Variants in SLC44A5 observed in about 807,000 individuals in gnomAD.
The protein encoded by SLC44A5 is solute carrier family 44 member 5.
SLC44A5 carries 57 observed loss-of-function variants against 101.8 expected under a neutral mutation model. The observed-to-expected ratio is 0.56, with a 90% confidence interval of 0.45 to 0.70. The LOEUF is 0.70. SLC44A5 is among the 30% of genes least tolerant of loss of function. SLC44A5 has a pLI of 0.00. For synonymous variants in SLC44A5, 281 were observed against 290.9 expected (o/e 0.97, Z 0.35); for missense variants, 737 against 853.1 (o/e 0.86, Z 1.70).
intron 2 of SLC44A5, among the ~76,000 whole-genome samples, chr1:75,478,009 C>T (rs1204322583): frequency 3.3e-5 from 5 of 152,092 alleles, no homozygotes; most frequent in African/African-American, 1.2e-4. Context: ...AGAGAAAGGT[C>T]GGGTTACCCA....
intron 1 of SLC44A5, among the ~76,000 whole-genome samples, chr1:75,548,492 GCT>G (rs1671770664): frequency 6.6e-6 from 1 of 151,862 alleles, no homozygotes; most frequent in African/African-American, 2.4e-5. Flanking sequence ...TATTTCTGAA[GCT>G]CTCTTTCTAG....
At chr1:75,326,737 G>A (rs1656627759) in intron 4 of SLC44A5, among the ~76,000 whole-genome samples, 1 of 152,156 alleles carries the variant, frequency 6.6e-6, no homozygotes. Context: ...AAGAGATGGA[G>A]TTTCATTTCC....
chr1:75,233,239 G>A (rs906469295), intron 12 of SLC44A5, among the ~76,000 whole-genome samples: 8 of 152,020 alleles, frequency 5.3e-5, no homozygotes, highest in African/African-American at 9.7e-5. Flanking sequence ...TATGGGGTAC[G>A]CATATAATTG....
At chr1:75,680,824 C>G in the SLC44A5 span, among the ~76,000 whole-genome samples, 2 of 139,972 alleles carry the variant, frequency 1.4e-5, no homozygotes, top group Non-Finnish European at 3.3e-5. Context: ...AATCCAGGAG[C>G]TGGTTTTTTG....
intron 1 of SLC44A5, among the ~76,000 whole-genome samples, chr1:75,603,379 A>G (rs1321554988): frequency 6.9e-6 from 1 of 145,938 alleles, no homozygotes; most frequent in African/African-American, 2.5e-5. Flanking sequence ...CATCCAATTC[A>G]CTGTTGATGG....
At chr1:75,694,905 G>T in the SLC44A5 span, among the ~76,000 whole-genome samples, 1 of 152,114 alleles carries the variant, frequency 6.6e-6, no homozygotes, top group Non-Finnish European at 1.5e-5. Context: ...GAAGTTGGTT[G>T]GGACGCTCAG....
At chr1:75,351,839 ACTTT>A (rs1658684880) in intron 3 of SLC44A5, among the ~76,000 whole-genome samples, 5 of 52,844 alleles carry the variant, frequency 9.5e-5, no homozygotes, top group Admixed American at 2.3e-4. Flanking sequence ...TGAATAACAC[ACTTT>A]ACCAAAAAAA....
At chr1:75,245,621 T>C (rs1041977691) in intron 7 of SLC44A5, among the ~76,000 whole-genome samples, 3 of 152,104 alleles carry the variant, frequency 2.0e-5, no homozygotes, top group African/African-American at 7.2e-5. Flanking sequence ...ATTGAGACCA[T>C]GATGATTCTG....
intron 2 of SLC44A5, among the ~76,000 whole-genome samples, chr1:75,416,996 G>C (rs1663692004): frequency 6.6e-6 from 1 of 152,144 alleles, no homozygotes; most frequent in Admixed American, 6.5e-5. Flanking sequence ...TGGAACTTTT[G>C]AGTTGAAACG....
chr1:75,604,253 C>T (rs767958750), intron 1 of SLC44A5, among the ~76,000 whole-genome samples: 5 of 152,062 alleles, frequency 3.3e-5, no homozygotes, highest in African/African-American at 9.7e-5. Flanking sequence ...ATCCCAGCAC[C>T]ATTTATTGAG....
At chr1:75,702,432 G>T in the SLC44A5 span, among the ~76,000 whole-genome samples, 2 of 152,036 alleles carry the variant, frequency 1.3e-5, no homozygotes, top group African/African-American at 4.8e-5. Flanking sequence ...TTAATAAATG[G>T]TGCTGGGAAA....
intron 2 of SLC44A5, among the ~76,000 whole-genome samples, chr1:75,405,959 C>T (rs184581031): frequency 5.1e-4 from 77 of 149,796 alleles, no homozygotes; most frequent in Middle Eastern, 3.5e-3. Context: ...ATAGATAGAC[C>T]GCTAGCAAGA....
chr1:75,474,755 A>G (rs897117331), intron 2 of SLC44A5, among the ~76,000 whole-genome samples: 4 of 152,230 alleles, frequency 2.6e-5, no homozygotes, highest in African/African-American at 9.6e-5. Context: ...TTCAATACAT[A>G]TTTAATTATG....
chr1:75,346,314 C>T (rs192515638), intron 3 of SLC44A5, among the ~76,000 whole-genome samples: 15 of 152,218 alleles, frequency 9.9e-5, no homozygotes, highest in Admixed American at 9.2e-4. Context: ...TTCCAAATCA[C>T]TAGGATGTTT....
chr1:75,661,402 A>AAG, the SLC44A5 span, among the ~76,000 whole-genome samples: 2 of 148,924 alleles, frequency 1.3e-5, no homozygotes, highest in Admixed American at 1.3e-4. Flanking sequence ...AAAAAAAAAA[A>AAG]AAAAAAAAAA....
intron 5 of SLC44A5, among the ~76,000 whole-genome samples, chr1:75,293,011 A>G (rs1653683134): frequency 6.6e-6 from 1 of 152,250 alleles, no homozygotes; most frequent in Non-Finnish European, 1.5e-5. Flanking sequence ...AATAACTTTA[A>G]AACACCACTT....
chr1:75,351,727 G>C (rs1298205397), intron 3 of SLC44A5, among the ~76,000 whole-genome samples: 1 of 151,230 alleles, frequency 6.6e-6, no homozygotes, highest in Non-Finnish European at 1.5e-5. Flanking sequence ...ACTGAGAGTG[G>C]TTTAGAAATC....
At chr1:75,361,161 T>C (rs77134677) in intron 3 of SLC44A5, among the ~76,000 whole-genome samples, 3,891 of 152,238 alleles carry the variant, frequency 0.026, 92 homozygotes, top group East Asian at 0.088. Flanking sequence ...GTTTGTATCC[T>C]ACAACTTTTC....
chr1:75,243,338 T>C (rs1045774180), intron 7 of SLC44A5, among the ~76,000 whole-genome samples: 5 of 151,962 alleles, frequency 3.3e-5, no homozygotes, highest in African/African-American at 4.8e-5. Context: ...GGTTTTGCCA[T>C]GTTTCCCAGG....
Sources: allele counts gnomAD v4.1 joint callset (sites outside exome capture counted in the v4.1 genomes callset), GRCh38; gene constraint gnomAD v4.1.1; transcripts MANE v1.5; gene names NCBI Gene and HGNC (gene_info 2026-07-23, HGNC 2026-07-21).